The following LMNTD1 variants were observed in gnomAD, a reference collection of about 807,000 sequenced individuals.
LMNTD1 encodes the protein lamin tail domain-containing protein 1.
Under a neutral mutation model 50.9 loss-of-function variants are expected in LMNTD1, and 35 were observed. The observed-to-expected ratio is 0.69, with a 90% confidence interval of 0.53 to 0.91. The LOEUF (loss-of-function observed/expected upper bound fraction) is 0.91. Ranked by LOEUF, LMNTD1 falls within the 40% of genes least tolerant of loss-of-function variation. The pLI, the probability that LMNTD1 is intolerant of heterozygous loss-of-function variation, is 0.00. For synonymous variants in LMNTD1, 153 were observed against 161.9 expected (o/e 0.94, Z 0.42); for missense variants, 470 against 475.5 (o/e 0.99, Z 0.11).
intron 1 of LMNTD1, among the ~76,000 whole-genome samples, chr12:25,643,709 T>C (rs560727740): frequency 1.3e-5 from 2 of 152,262 alleles, no homozygotes; most frequent in South Asian, 2.1e-4. Flanking sequence ...GGGAACTGCA[T>C]AAAATCAAGG....
intron 1 of LMNTD1, among the ~76,000 whole-genome samples, chr12:25,627,751 CATGAACATG>C (rs1038439245): frequency 6.6e-6 from 1 of 152,196 alleles, no homozygotes; most frequent in African/African-American, 2.4e-5. Context: ...TGCACATATT[CATGAACATG>C]AATTAAATTA....
intron 1 of LMNTD1, among the ~76,000 whole-genome samples, chr12:25,623,109 T>G (rs1448356546): frequency 6.6e-6 from 1 of 152,250 alleles, no homozygotes; most frequent in East Asian, 1.9e-4. Flanking sequence ...TTTTTTTTAA[T>G]GTGGCAGTCT....
rs369439222 is a variant in LMNTD1, at chr12:25,564,254, G to A, written c.59-17700C>T. On this transcript the variant is annotated intron_variant, in intron 1 of 7. Coordinates refer to the LMNTD1 transcript ENST00000445693. Reference sequence around the variant, plus strand: ...CTGCAGACTGGAGCTGTTCCTATTCGGCCATCTTGGAACCTCCTCCTTCAA... The same window carrying A: ...CTGCAGACTGGAGCTGTTCCTATTCAGCCATCTTGGAACCTCCTCCTTCAA... Among the ~76,000 whole-genome samples, 14 of 152,102 alleles carry A rather than the reference G, an allele frequency of 9.2e-5. No individual in the cohort carries two copies. In the East Asian group the frequency reaches 1.2e-3, roughly 13 times the overall value.
At chr12:25,487,153 C>G (rs1490792191) in intron 9 of LMNTD1, among the ~76,000 whole-genome samples, 45 of 145,462 alleles carry the variant, frequency 3.1e-4, no homozygotes, top group Non-Finnish European at 5.1e-4. Flanking sequence ...ATTAGGTCCA[C>G]TTGGTGCAGA....
At chr12:25,583,551 T>C (rs1348832786) in intron 1 of LMNTD1, among the ~76,000 whole-genome samples, 1 of 152,226 alleles carries the variant, frequency 6.6e-6, no homozygotes, top group African/African-American at 2.4e-5. Flanking sequence ...TCATATCTCA[T>C]TCTTAAATGT....
rs372499414 is a variant in LMNTD1 at position 25,623,096 on chromosome 12, G to C, written c.58+25398C>G. ...AAAATTAGACACACAAATAACACAAGAATTTTTTTTAATGTGGCAGTCTGA... is the reference window on the plus strand; with the variant it reads ...AAAATTAGACACACAAATAACACAACAATTTTTTTTAATGTGGCAGTCTGA... On this transcript the variant is annotated intron_variant, in intron 1 of 7. Coordinates refer to the LMNTD1 transcript ENST00000445693. Among the ~76,000 whole-genome samples, 47 of 152,082 alleles carry C rather than the reference G, an allele frequency of 3.1e-4. No homozygotes were observed. The East Asian group carries it at 6.0e-3, about 19-fold the overall frequency.
At chr12:25,487,712 G>A (rs993452314) in intron 9 of LMNTD1, among the ~76,000 whole-genome samples, 3 of 124,330 alleles carry the variant, frequency 2.4e-5, no homozygotes, top group Non-Finnish European at 3.3e-5. Context: ...GTTAGTTGAC[G>A]CAGTTTCTTC....
chr12:25,584,942 T>G (rs1189504747), intron 1 of LMNTD1, among the ~76,000 whole-genome samples: 2 of 152,232 alleles, frequency 1.3e-5, no homozygotes, highest in Non-Finnish European at 2.9e-5. Flanking sequence ...TTTCTTTGCA[T>G]CAAAAGAAAT....
At chr12:25,490,888 T>C (rs1272239449) in intron 9 of LMNTD1, among the ~76,000 whole-genome samples, 3 of 152,190 alleles carry the variant, frequency 2.0e-5, no homozygotes, top group African/African-American at 4.8e-5. Flanking sequence ...TCTAACAAAC[T>C]CCCACCTAAT....
intron 1 of LMNTD1, among the ~76,000 whole-genome samples, chr12:25,601,594 CTACT>C (rs1295493208): frequency 1.3e-5 from 2 of 151,714 alleles, no homozygotes; most frequent in African/African-American, 4.8e-5. Context: ...ATGTACCTAC[CTACT>C]ATGTACCCAC....
intron 1 of LMNTD1, among the ~76,000 whole-genome samples, chr12:25,588,031 T>C (rs1326565717): frequency 6.6e-6 from 1 of 152,134 alleles, no homozygotes; most frequent in South Asian, 2.1e-4. Context: ...GAATCAGAAG[T>C]TCTTCTAAGG....
intron 9 of LMNTD1, among the ~76,000 whole-genome samples, chr12:25,496,662 G>C (rs544635325): frequency 6.6e-6 from 1 of 152,270 alleles, no homozygotes; most frequent in East Asian, 1.9e-4. Context: ...TCAGAGGCTT[G>C]AGACTAGAAT....
chr12:25,615,255 T>C (rs781764530), intron 1 of LMNTD1, among the ~76,000 whole-genome samples: 4 of 152,126 alleles, frequency 2.6e-5, no homozygotes, highest in Admixed American at 6.5e-5. Context: ...GTCAGCAACA[T>C]GGTGCAGTAA....
At chr12:25,623,840 C>T (rs1017935038) in intron 1 of LMNTD1, among the ~76,000 whole-genome samples, 14 of 152,156 alleles carry the variant, frequency 9.2e-5, no homozygotes, top group Admixed American at 3.9e-4. Context: ...CACCTGCCTC[C>T]TTCGTCTCTC....
intron 1 of LMNTD1, among the ~76,000 whole-genome samples, chr12:25,630,961 C>T (rs1946705025): frequency 2.0e-5 from 3 of 152,160 alleles, no homozygotes; most frequent in Admixed American, 6.5e-5. Flanking sequence ...GGCTCTTAGT[C>T]GGGGCAGAGT....
chr12:25,617,218 T>C (rs1047935284), intron 1 of LMNTD1, among the ~76,000 whole-genome samples: 4 of 152,222 alleles, frequency 2.6e-5, no homozygotes, highest in Admixed American at 6.5e-5. Flanking sequence ...GTTAACTTTA[T>C]GCTGAGGCCC....
intron 1 of LMNTD1, among the ~76,000 whole-genome samples, chr12:25,643,703 A>G (rs1946997747): frequency 6.6e-6 from 1 of 152,200 alleles, no homozygotes; most frequent in Admixed American, 6.5e-5. Context: ...CCCCCTGGGA[A>G]CTGCATAAAA....
intron 4 of LMNTD1, among the ~76,000 whole-genome samples, chr12:25,542,637 G>A (rs1158585894): frequency 1.3e-5 from 2 of 150,998 alleles, no homozygotes; most frequent in African/African-American, 4.9e-5. Context: ...CGAGTTAGTG[G>A]GTGCAGCACA....
At chr12:25,567,344 A>G (rs560799447) in intron 1 of LMNTD1, among the ~76,000 whole-genome samples, 69 of 152,304 alleles carry the variant, frequency 4.5e-4, no homozygotes, top group Non-Finnish European at 5.4e-4. Flanking sequence ...TTCTGAGTAA[A>G]TACTTCTACA....
Sources: allele counts gnomAD v4.1 joint callset (sites outside exome capture counted in the v4.1 genomes callset), GRCh38; gene constraint gnomAD v4.1.1; transcripts MANE v1.5; gene names NCBI Gene and HGNC (gene_info 2026-07-23, HGNC 2026-07-21).